The following DNAH17 variants were observed in gnomAD, a reference collection of about 807,000 sequenced individuals.
The protein encoded by DNAH17 is axonemal beta dynein heavy chain 17.
In DNAH17, 376 loss-of-function variants were observed where a neutral mutation model predicts 485.6. That is an observed-to-expected ratio of 0.77 (90% CI 0.71 to 0.84). The LOEUF (loss-of-function observed/expected upper bound fraction) is 0.84, where lower values mean the gene tolerates loss of function less well. DNAH17 is among the 40% of genes least tolerant of loss of function. The pLI is 0.00. For missense variants in DNAH17, 6,370 were observed against 5,839.3 expected, an observed-to-expected ratio of 1.09 and a Z score of -2.96; for synonymous variants, 3,031 against 2,405.9, an observed-to-expected ratio of 1.26 and a Z score of -7.60.
In DNAH17 at chr17:78,434,029, C is replaced by T. The variant is rs1422232359; in HGVS notation, c.12225G>A (p.Lys4075=). 1.3e-6 allele frequency: 2 copies of T among 1,592,310 alleles called. No homozygotes were observed. Among genetic ancestry groups the T allele is most frequent in the South Asian group, 1.1e-5 (1 of 88,764 alleles). The change falls in exon 75 of 81, where the codon AAG becomes AAA. Residue 4075 remains lysine (K), a splice_region_variant and synonymous_variant. Coordinates refer to ENST00000389840, the MANE Select transcript of DNAH17 (RefSeq NM_173628.4). ...VLYNYLEANP[K]VPWDDLRYLF... is the part of the protein sequence containing the mutation. The stretch of plus-strand genomic sequence containing the variant: ...GTACAGGGCACACACAGCCCCTCAC[C>T]TTGGGGTTGGCCTCCAGGTAGTTGT...
intron 52 of DNAH17, among the ~76,000 whole-genome samples, chr17:78,476,193 T>C (rs950013341): frequency 7.9e-5 from 12 of 151,750 alleles, no homozygotes; most frequent in African/African-American, 2.7e-4. Flanking sequence ...ACTCAATTCC[T>C]CCTCACTCAG....
chr17:78,481,180 G>A (rs2089333573), intron 48 of DNAH17, among the ~76,000 whole-genome samples: 1 of 146,798 alleles, frequency 6.8e-6, no homozygotes, highest in Non-Finnish European at 1.5e-5. Flanking sequence ...TTGGCTCACT[G>A]CAACCTCCGC....
At chr17:78,502,094 G>A in intron 33 of DNAH17, 1 of 581,528 alleles carries the variant, frequency 1.7e-6, no homozygotes, top group Non-Finnish European at 3.0e-6. Context: ...GTAGTAGAAG[G>A]AAATTCAAGG....
Position 78,525,065 on chromosome 17 carries a change from T to A in DNAH17, c.3808A>T (p.Lys1270Ter). The A allele has an allele frequency of 6.2e-7, 1 of 1,612,308 alleles. No individual in the cohort carries two copies. The highest frequency in any genetic ancestry group is 8.5e-7 in the Non-Finnish European group (1 of 1,178,414). ...EVPVPDYKQLKACHREVRLLK... is the reference protein window; with the variant it reads ...EVPVPDYKQL ...AGGCGGACCTCCCGGTGGCAGGCCTTGAGCTGCTTGTAGTCTGGGACGGGG... is the reference window on the plus strand; with the variant it reads ...AGGCGGACCTCCCGGTGGCAGGCCTAGAGCTGCTTGTAGTCTGGGACGGGG... Residue 1270 changes from lysine (K) to a stop codon, truncating the protein, a stop_gained, in exon 25 of 81, where the codon AAG becomes TAG. Coordinates refer to ENST00000389840, the MANE Select transcript of DNAH17 (RefSeq NM_173628.4). LOFTEE classifies it high-confidence loss of function.
intron 26 of DNAH17, chr17:78,510,755 C>CCCCT: frequency 2.6e-6 from 1 of 379,314 alleles, no homozygotes; most frequent in Non-Finnish European, 4.8e-6. Flanking sequence ...ATTGCGGCCC[C>CCCCT]CCCGCAAAAT....
At chr17:78,458,727 T>C (rs773037059) in intron 61 of DNAH17, 47 bp from the exon 62 acceptor site, 4 of 1,520,650 alleles carry the variant, frequency 2.6e-6, no homozygotes. Context: ...ACGAGGCATC[T>C]CTAGCCCCCT....
intron 14 of DNAH17, among the ~76,000 whole-genome samples, chr17:78,556,108 T>C (rs1263156913): frequency 6.6e-6 from 1 of 152,136 alleles, no homozygotes; most frequent in Non-Finnish European, 1.5e-5. Context: ...TCCATCTCCA[T>C]CCATCCATCT....
intron 56 of DNAH17, among the ~76,000 whole-genome samples, chr17:78,463,330 G>A (rs534256178): frequency 5.9e-5 from 9 of 152,190 alleles, no homozygotes; most frequent in East Asian, 1.9e-4. Context: ...ACACACAGAC[G>A]CATACATGCA....
chr17:78,458,903 G>T (rs769550408), intron 61 of DNAH17, 98 bp downstream of exon 61: 2 of 1,334,212 alleles, frequency 1.5e-6, no homozygotes, highest in East Asian at 2.4e-5. Context: ...AATTCATGAC[G>T]GCGGGCCGTG....
At chr17:78,427,148 A>C (rs747710526) in intron 77 of DNAH17, 40 bp from the exon 78 acceptor site, 24 of 1,549,968 alleles carry the variant, frequency 1.5e-5, no homozygotes, top group Non-Finnish European at 2.1e-5. Flanking sequence ...CACTGCAAAG[A>C]GCCCACCCCA....
intron 73 of DNAH17, among the ~76,000 whole-genome samples, chr17:78,438,732 C>T (rs529128899): frequency 7.6e-4 from 116 of 152,110 alleles, no homozygotes; most frequent in African/African-American, 2.7e-3. Flanking sequence ...CTCCTGACCT[C>T]AGGTGATCCG....
rs1204316670 is a variant in DNAH17, at chr17:78,450,345, TTC to T, written c.10947_10948del (p.Asn3650LeufsTer37). 4 of 1,613,964 alleles carry T rather than the reference TTC, an allele frequency of 2.5e-6. No homozygotes were observed. The highest frequency in any genetic ancestry group is 3.4e-6 in the Non-Finnish European group (4 of 1,179,862). On this transcript the variant is annotated frameshift_variant, in exon 68 of 81. Transcript: ENST00000389840. LOFTEE classifies it high-confidence loss of function. ...TGCCCTCTCCGCAGCCGGGCGGTAG[TTC>T]TCTCTCGCTTCGTTGATTTTAACTT...
At chr17:78,469,576 C>T (rs1356642599) in intron 54 of DNAH17, among the ~76,000 whole-genome samples, 1 of 152,158 alleles carries the variant, frequency 6.6e-6, no homozygotes, top group African/African-American at 2.4e-5. Context: ...ATAGCAAGAC[C>T]TTGTCTCTAA....
At chr17:78,520,128 G>A (rs930825348) in intron 25 of DNAH17, among the ~76,000 whole-genome samples, 5 of 151,560 alleles carry the variant, frequency 3.3e-5, no homozygotes, top group Non-Finnish European at 5.9e-5. Context: ...AAAAAAGTCA[G>A]TGTAATCAAT....
Position 78,463,064 on chromosome 17 carries a change from GCCTTGACTTC to G in DNAH17, c.8944_8953del (p.Glu2982ProfsTer65). ...GTAGGACATGAAGAAGCTGATGGAG[GCCTTGACTTC>G]CCACTACAAAGATGAGACAGCCAGT... is the stretch of plus-strand genomic sequence containing the variant. On this transcript the variant is annotated frameshift_variant, in exon 57 of 81. Coordinates refer to ENST00000389840, the MANE Select transcript of DNAH17 (RefSeq NM_173628.4). LOFTEE classifies it high-confidence loss of function. 6.2e-7 allele frequency: 1 copy of G among 1,613,818 alleles called. No homozygotes were observed. Among genetic ancestry groups the G allele is most frequent in the Non-Finnish European group, 8.5e-7 (1 of 1,179,822 alleles).
At chr17:78,469,379 G>A (rs2088641812) in intron 54 of DNAH17, among the ~76,000 whole-genome samples, 1 of 152,202 alleles carries the variant, frequency 6.6e-6, no homozygotes, top group African/African-American at 2.4e-5. Flanking sequence ...TTGACCTTGT[G>A]ATCCACCCGC....
intron 69 of DNAH17, among the ~76,000 whole-genome samples, chr17:78,446,406 A>C (rs139377115): frequency 6.6e-6 from 1 of 151,954 alleles, no homozygotes; most frequent in Non-Finnish European, 1.5e-5. Context: ...CTTTGTATAA[A>C]TGGAAGCACA....
chr17:78,478,879 T>C, intron 51 of DNAH17, 146 bp downstream of exon 51: 2 of 666,118 alleles, frequency 3.0e-6, no homozygotes, highest in Non-Finnish European at 5.2e-6. Flanking sequence ...ACCATTACCA[T>C]CACCACCATT....
At chr17:78,440,939 G>A (rs185721762) in intron 72 of DNAH17, 112 bp downstream of exon 72, 18 of 1,315,998 alleles carry the variant, frequency 1.4e-5, no homozygotes, top group East Asian at 5.1e-5. Context: ...GCGTGAAGCC[G>A]CGTCTTGGGT....
Sources: allele counts gnomAD v4.1 joint callset (sites outside exome capture counted in the v4.1 genomes callset), GRCh38; gene constraint gnomAD v4.1.1; transcripts MANE v1.5; gene names NCBI Gene and HGNC (gene_info 2026-07-23, HGNC 2026-07-21).